Variants in STARD6 observed in about 807,000 individuals in gnomAD.
The protein encoded by STARD6 is stAR-related lipid transfer protein 6.
STARD6 carries 21 observed loss-of-function variants against 22.3 expected under a neutral mutation model. That is an observed-to-expected ratio of 0.94 (90% CI 0.67 to 1.35). The LOEUF is 1.35. Among genes scored for constraint, STARD6 ranks in the 40% most tolerant of loss-of-function variants. STARD6 has a pLI of 0.00. For synonymous variants in STARD6, 80 were observed against 88.1 expected, an observed-to-expected ratio of 0.91 and a Z score of 0.52; for missense variants, 269 against 266.9, an observed-to-expected ratio of 1.01 and a Z score of -0.05.
At chr18:54,327,521 A>T (rs1384504649) in intron 7 of STARD6, among the ~76,000 whole-genome samples, 2 of 152,210 alleles carry the variant, frequency 1.3e-5, no homozygotes, top group Non-Finnish European at 2.9e-5. Context: ...TTTTGAAATG[A>T]ATAATTTAAT....
chr18:54,334,808 T>C (rs957006662), intron 5 of STARD6, among the ~76,000 whole-genome samples: 3 of 152,094 alleles, frequency 2.0e-5, no homozygotes, highest in African/African-American at 7.2e-5. Flanking sequence ...ATCTGGTAAG[T>C]TTTAAAAAAC....
At chr18:54,330,335 C>G (rs987367050) in intron 6 of STARD6, among the ~76,000 whole-genome samples, 2 of 151,800 alleles carry the variant, frequency 1.3e-5, no homozygotes, top group Non-Finnish European at 2.9e-5. Flanking sequence ...GATTTTTTCC[C>G]TGTTTGAAAT....
chr18:54,329,236 G>T (rs747425678), intron 7 of STARD6, 111 bp downstream of exon 7: 1 of 782,956 alleles, frequency 1.3e-6, no homozygotes, highest in East Asian at 2.9e-5. Context: ...TTTTTTTCCC[G>T]CAACAGAATA....
chr18:54,357,641 C>T (rs2089167604), intron 1 of STARD6, among the ~76,000 whole-genome samples, 151 bp downstream of exon 1: 1 of 152,166 alleles, frequency 6.6e-6, no homozygotes, highest in Admixed American at 6.5e-5. Context: ...CTCCCGCAGA[C>T]CCCGGGGCCG....
chr18:54,353,650 C>A (rs1018073714), intron 4 of STARD6, among the ~76,000 whole-genome samples: 1 of 152,196 alleles, frequency 6.6e-6, no homozygotes, highest in Non-Finnish European at 1.5e-5. Flanking sequence ...CAGAGCAAGA[C>A]CCTGTCTCAA....
At chr18:54,356,638 A>G (rs1471923787) in intron 1 of STARD6, among the ~76,000 whole-genome samples, 194 bp from the exon 2 acceptor site, 1 of 152,230 alleles carries the variant, frequency 6.6e-6, no homozygotes, top group African/African-American at 2.4e-5. Flanking sequence ...GTTTATAAAA[A>G]GAATCTTTAA....
chr18:54,345,034 G>A (rs139763974), intron 4 of STARD6, among the ~76,000 whole-genome samples: 407 of 152,198 alleles, frequency 2.7e-3, no homozygotes, highest in Non-Finnish European at 4.3e-3. Flanking sequence ...CATTGTATTG[G>A]AGGTACTAGC....
intron 4 of STARD6, among the ~76,000 whole-genome samples, chr18:54,353,458 C>T (rs2089115600): frequency 6.6e-6 from 1 of 152,178 alleles, no homozygotes; most frequent in Non-Finnish European, 1.5e-5. Flanking sequence ...CGCTTGGGCT[C>T]AGGAGTTTGA....
chr18:54,344,965 A>G lies in STARD6; in HGVS notation c.141-7714T>C, dbSNP rs190627722. ...AAACTTAATGGTGGAAAAACTAAATACTTTTCTATTAAGATCAGGAATAAG... is the reference window on the plus strand; with the variant it reads ...AAACTTAATGGTGGAAAAACTAAATGCTTTTCTATTAAGATCAGGAATAAG... On this transcript the variant is annotated intron_variant, in intron 4 of 7. Transcript: ENST00000307844. Among the ~76,000 whole-genome samples, 636 of 152,268 alleles carry G rather than the reference A, an allele frequency of 4.2e-3. 8 individuals are homozygous for G. Among genetic ancestry groups the G allele is most frequent in the African/African-American group, 0.015 (619 of 41,558 alleles).
rs1367863625 is a variant in STARD6 at position 54,329,397 on chromosome 18, A to G, written c.429T>C (p.Tyr143=). The G allele has an allele frequency of 7.5e-6, 12 of 1,605,524 alleles. No homozygotes were observed. The highest frequency in any genetic ancestry group is 3.4e-5 in the Admixed American group (2 of 58,488). ...DFPEYPPSSN[Y]IRGYNHPCGF... ...CACAAGGATGGTTATAACCGCGGATATAATTTGAAGATGGAGGATATTCTG... is the reference window on the plus strand; with the variant it reads ...CACAAGGATGGTTATAACCGCGGATGTAATTTGAAGATGGAGGATATTCTG... The change falls in exon 7 of 8, where the codon TAT becomes TAC. Residue 143 remains tyrosine (Y), a synonymous_variant. Transcript: ENST00000307844.
At chr18:54,347,421 T>TA (rs2089046994) in intron 4 of STARD6, among the ~76,000 whole-genome samples, 1 of 152,146 alleles carries the variant, frequency 6.6e-6, no homozygotes, top group African/African-American at 2.4e-5. Context: ...GTTGTGGAGT[T>TA]ATTGATGGAT....
chr18:54,341,812 T>A (rs1426593920), intron 4 of STARD6, among the ~76,000 whole-genome samples: 2 of 152,044 alleles, frequency 1.3e-5, no homozygotes. Flanking sequence ...CTATATTTTT[T>A]AAAAAAAGAA....
intron 7 of STARD6, among the ~76,000 whole-genome samples, chr18:54,325,236 TTCTC>T (rs1349992820): frequency 1.3e-5 from 2 of 151,712 alleles, no homozygotes; most frequent in East Asian, 1.9e-4. Context: ...GTGACTATCT[TTCTC>T]TCTCTCTATA....
chr18:54,342,182 AAGCAAT>A (rs1161660378), intron 4 of STARD6, among the ~76,000 whole-genome samples: 4 of 152,252 alleles, frequency 2.6e-5, no homozygotes, highest in Non-Finnish European at 5.9e-5. Context: ...CTGATTTAAG[AAGCAAT>A]AGCACATCTT....
Position 54,355,183 on chromosome 18 carries a change from C to T in STARD6, c.-4-606G>A, listed in dbSNP as rs529531356. 2.0e-5 allele frequency among the ~76,000 whole-genome samples: 3 copies of T among 152,214 alleles called. No homozygotes were observed. In the South Asian group the frequency reaches 6.2e-4, roughly 32 times the overall value. Reference sequence around the variant, plus strand: ...ATCATTTGATCTCCTGGCTGTTCCTCACATACAATAAAGCAATTTCTGACT... The same window carrying T: ...ATCATTTGATCTCCTGGCTGTTCCTTACATACAATAAAGCAATTTCTGACT... On this transcript the variant is annotated intron_variant, in intron 2 of 7. Transcript: ENST00000307844.
At chr18:54,346,819 G>A (rs2089040936) in intron 4 of STARD6, among the ~76,000 whole-genome samples, 1 of 152,048 alleles carries the variant, frequency 6.6e-6, no homozygotes, top group South Asian at 2.1e-4. Context: ...AGACCACATA[G>A]CATGTGATCT....
chr18:54,324,825 C>T lies in STARD6; in HGVS notation c.530G>A (p.Gly177Glu). ...LVMFVQTEMR[G>E]KLSPSIIEKT... Reference sequence around the variant, plus strand: ...TTCAATTATTGATGGGGACAATTTTCCTCTCATTTCTGTCTGGACAAACAT... The same window carrying T: ...TTCAATTATTGATGGGGACAATTTTTCTCTCATTTCTGTCTGGACAAACAT... The change falls in exon 8 of 8, where the codon GGA (glycine) becomes GAA (glutamate). Residue 177 changes from glycine (G) to glutamate (E), a missense_variant. By Grantham distance (98) the Gly-to-Glu change is moderately conservative. Coordinates refer to ENST00000307844, the MANE Select transcript of STARD6 (RefSeq NM_139171.2). The T allele has an allele frequency of 6.2e-7, 1 of 1,603,116 alleles. No individual in the cohort carries two copies. Among genetic ancestry groups the T allele is most frequent in the African/African-American group, 1.4e-5 (1 of 74,048 alleles).
At chr18:54,334,916 GA>G (rs919405446) in intron 5 of STARD6, among the ~76,000 whole-genome samples, 1 of 152,180 alleles carries the variant, frequency 6.6e-6, no homozygotes, top group Non-Finnish European at 1.5e-5. Context: ...CTAGTGAACT[GA>G]AACAGTATGG....
chr18:54,343,386 G>T lies in STARD6; in HGVS notation c.141-6135C>A, dbSNP rs1291276855. ...GAGGGAGGTGGGGGGTCAGCCCCCC[G>T]CCCGGCCAGCCGTGCCATCCGGGAG... is the stretch of plus-strand genomic sequence containing the variant. On this transcript the variant is annotated intron_variant, in intron 4 of 7. Coordinates refer to ENST00000307844, the MANE Select transcript of STARD6 (RefSeq NM_139171.2). Among the ~76,000 whole-genome samples the T allele has an allele frequency of 1.8e-4, 26 of 141,178 alleles. 1 individual carries two copies. Among genetic ancestry groups the T allele is most frequent in the African/African-American group, 7.0e-4 (26 of 37,150 alleles). The allele number at this position is 141,178 out of a possible 152,430, so 92.6% of individuals were successfully genotyped here. A position where few individuals can be genotyped will look rare whatever the true frequency, so the allele number is the denominator to read the frequency against.
Sources: allele counts gnomAD v4.1 joint callset (sites outside exome capture counted in the v4.1 genomes callset), GRCh38; gene constraint gnomAD v4.1.1; transcripts MANE v1.5; gene names NCBI Gene and HGNC (gene_info 2026-07-23, HGNC 2026-07-21).